Variants in FLI1 observed in about 807,000 individuals in gnomAD.
The protein encoded by FLI1 is Fli-1 proto-oncogene, ETS transcription factor.
Under a neutral mutation model 53.1 loss-of-function variants are expected in FLI1, and 13 were observed. The ratio of observed to expected loss-of-function variants is 0.24; its 90% CI spans 0.16 to 0.39. FLI1 has a LOEUF of 0.39. FLI1 is among the 10% of genes least tolerant of loss of function. FLI1 has a pLI of 1.00. For synonymous variants in FLI1, 244 were observed against 236.7 expected, an observed-to-expected ratio of 1.03 and a Z score of -0.28; for missense variants, 424 against 600.5, an observed-to-expected ratio of 0.71 and a Z score of 3.07.
intron 4 of FLI1, among the ~76,000 whole-genome samples, chr11:128,779,657 A>T (rs1941848552): frequency 6.6e-6 from 1 of 152,260 alleles, no homozygotes; most frequent in South Asian, 2.1e-4. Context: ...GAGTGGTGTT[A>T]GCCCATTTTA....
intron 1 of FLI1, among the ~76,000 whole-genome samples, chr11:128,742,351 A>G (rs1365965387): frequency 1.3e-5 from 2 of 152,238 alleles, no homozygotes; most frequent in African/African-American, 4.8e-5. Flanking sequence ...AATATTTGCT[A>G]AATTAATGAA....
At chr11:128,694,009 G>A (rs1937897955), upstream of FLI1, 1 of 321,244 alleles carries the variant, frequency 3.1e-6, no homozygotes. Flanking sequence ...CTTCCTCCCC[G>A]ATTCGCAAAG....
At chr11:128,759,417 A>G (rs1941024572) in intron 2 of FLI1, among the ~76,000 whole-genome samples, 1 of 152,256 alleles carries the variant, frequency 6.6e-6, no homozygotes, top group Non-Finnish European at 1.5e-5. Flanking sequence ...GTCCTTGCGC[A>G]CAGACGGTAG....
chr11:128,739,077 T>A (rs1591767995), intron 1 of FLI1, among the ~76,000 whole-genome samples: 1 of 152,318 alleles, frequency 6.6e-6, no homozygotes, highest in Non-Finnish European at 1.5e-5. Flanking sequence ...CCAAACTCGA[T>A]GTTTATCAGC....
intron 3 of FLI1, among the ~76,000 whole-genome samples, chr11:128,771,173 C>T (rs1941540410): frequency 1.3e-5 from 2 of 152,322 alleles, no homozygotes; most frequent in East Asian, 1.9e-4. Context: ...GCTCGCGGAG[C>T]AGGTGGCACA....
At chr11:128,788,150 A>G (rs886423293) in intron 5 of FLI1, among the ~76,000 whole-genome samples, 1 of 152,098 alleles carries the variant, frequency 6.6e-6, no homozygotes, top group Non-Finnish European at 1.5e-5. Context: ...GAAGGATACT[A>G]TACATAGATA....
chr11:128,686,433 TGAAGCCCGGGGACGGG>T (rs1456716706), upstream of FLI1: 9 of 456,174 alleles, frequency 2.0e-5, no homozygotes, highest in Admixed American at 2.1e-4. Flanking sequence ...TCCCCTGGCC[TGAAGCCCGGGGACGGG>T]ACTGAGGCGT....
At chr11:128,751,590 G>T (rs1018473124) in intron 1 of FLI1, among the ~76,000 whole-genome samples, 1 of 151,064 alleles carries the variant, frequency 6.6e-6, no homozygotes, top group African/African-American at 2.4e-5. Context: ...GCAGTGGTGT[G>T]ATCTCGGCTC....
At chr11:128,754,129 C>T (rs751086000) in intron 1 of FLI1, among the ~76,000 whole-genome samples, 1 of 152,114 alleles carries the variant, frequency 6.6e-6, no homozygotes, top group Non-Finnish European at 1.5e-5. Flanking sequence ...AACTCTTCTC[C>T]TTCATCTTCT....
chr11:128,688,326 CAGG>C (rs1937617896), intron 1 of FLI1, among the ~76,000 whole-genome samples: 1 of 152,234 alleles, frequency 6.6e-6, no homozygotes, highest in Admixed American at 6.5e-5. Context: ...CTGCTCGCTG[CAGG>C]AGCTCTTTTC....
At chr11:128,800,996 G>A (rs1288850433) in intron 5 of FLI1, among the ~76,000 whole-genome samples, 2 of 152,232 alleles carry the variant, frequency 1.3e-5, no homozygotes, top group African/African-American at 4.8e-5. Context: ...CAGAACCAGG[G>A]TGTGATTGTC....
intron 4 of FLI1, 59 bp from the exon 5 acceptor site, chr11:128,781,899 C>T (rs1941926589): frequency 7.4e-7 from 1 of 1,342,382 alleles, no homozygotes; most frequent in Non-Finnish European, 1.1e-6. Flanking sequence ...CATGTCATCT[C>T]CTACTCTTGA....
At chr11:128,755,102 C>T (rs867871233) in intron 1 of FLI1, among the ~76,000 whole-genome samples, 16 of 152,092 alleles carry the variant, frequency 1.1e-4, no homozygotes, top group South Asian at 6.2e-4. Context: ...TTGATTTTGC[C>T]GTCTGCATGT....
At chr11:128,793,725 G>A (rs1337564781) in intron 5 of FLI1, among the ~76,000 whole-genome samples, 1 of 152,158 alleles carries the variant, frequency 6.6e-6, no homozygotes, top group Non-Finnish European at 1.5e-5. Context: ...ACCCTCATAG[G>A]TGCCCATGTG....
At chr11:128,754,625 G>A (rs1940792492) in intron 1 of FLI1, among the ~76,000 whole-genome samples, 1 of 152,242 alleles carries the variant, frequency 6.6e-6, no homozygotes, top group Non-Finnish European at 1.5e-5. Context: ...GCTGAGAAGA[G>A]ATTTGCTGTG....
intron 6 of FLI1, chr11:128,805,796 G>T: frequency 5.4e-6 from 1 of 186,170 alleles, no homozygotes; most frequent in South Asian, 1.2e-4. Context: ...TTGAGGCTAA[G>T]TCGTACCAAT....
chr11:128,738,880 C>G (rs1272545446), intron 1 of FLI1, among the ~76,000 whole-genome samples: 1 of 152,174 alleles, frequency 6.6e-6, no homozygotes, highest in African/African-American at 2.4e-5. Context: ...TCTGGAGTCT[C>G]TTGTATGACA....
At chr11:128,777,221 G>A (rs1048305156) in intron 4 of FLI1, among the ~76,000 whole-genome samples, 1 of 152,210 alleles carries the variant, frequency 6.6e-6, no homozygotes, top group Non-Finnish European at 1.5e-5. Context: ...CCGCTGGGGG[G>A]AGTTTGCGCA....
intron 1 of FLI1, among the ~76,000 whole-genome samples, chr11:128,711,455 C>G (rs1032415468): frequency 6.6e-6 from 1 of 152,234 alleles, no homozygotes; most frequent in Admixed American, 6.5e-5. Flanking sequence ...ATCCCGTCTC[C>G]TGGCTTCATC....
Sources: gnomAD v4.1 joint callset for allele counts (sites outside exome capture counted in the v4.1 genomes callset) on GRCh38, gnomAD v4.1.1 for gene constraint, MANE v1.5 for transcripts, NCBI Gene and HGNC (gene_info 2026-07-23, HGNC 2026-07-21) for gene names.